PCDH11X: variants seen among roughly 807,000 people sequenced by gnomAD.
The protein encoded by PCDH11X is protocadherin 11 X-linked, also known as protocadherin-11 X-linked.
PCDH11X carries 18 observed loss-of-function variants against 53.3 expected under a neutral mutation model. That is an observed-to-expected ratio of 0.34 (90% CI 0.23 to 0.50). The LOEUF (loss-of-function observed/expected upper bound fraction) is 0.50, where lower values mean the gene tolerates loss of function less well. PCDH11X is among the 20% of genes least tolerant of loss of function. PCDH11X has a pLI of 0.98. For synonymous variants in PCDH11X, 279 were observed against 393.3 expected, an observed-to-expected ratio of 0.71 and a Z score of 3.44; for missense variants, 570 against 1,032.4, an observed-to-expected ratio of 0.55 and a Z score of 6.14.
In PCDH11X at chrX:92,148,019, C is replaced by T. The variant is rs1365536964; in HGVS notation, c.3034-53356C>T. ...TTTCTTTCTTTCTTTTTCTTTCCTT[C>T]CTTCCTTCCTTTCCTTCTTTCCCTT... On this transcript the variant is annotated intron_variant, in intron 6 of 10. Transcript: ENST00000682573. 1.7e-3 allele frequency among the ~76,000 whole-genome samples: 128 copies of T among 74,238 alleles called. 8 individuals carry two copies. The highest frequency in any genetic ancestry group is 8.0e-3 in the African/African-American group (119 of 14,843). 64.5% of individuals were successfully genotyped at this position (74,238 alleles called of 115,157 possible). A position where few individuals can be genotyped will look rare whatever the true frequency, so the allele number is the denominator to read the frequency against.
At chrX:92,440,002 A>T (rs1265813331) in intron 9 of PCDH11X, among the ~76,000 whole-genome samples, 1 of 88,099 alleles carries the variant, frequency 1.1e-5, no homozygotes, top group Non-Finnish European at 2.3e-5. Flanking sequence ...TTAAAAAAAC[A>T]ATTTTATTCT....
chrX:92,604,542 A>G (rs1569509666), intron 10 of PCDH11X, among the ~76,000 whole-genome samples: 1 of 111,560 alleles, frequency 9.0e-6, no homozygotes, highest in African/African-American at 3.3e-5. Flanking sequence ...AGAAAGCTGC[A>G]AGGAGAAACG....
intron 6 of PCDH11X, among the ~76,000 whole-genome samples, chrX:92,184,470 A>G (rs1176735808): frequency 8.9e-6 from 1 of 112,253 alleles, no homozygotes; most frequent in Admixed American, 9.5e-5. Flanking sequence ...TTACAGAAAT[A>G]GAAAAAAGCA....
In PCDH11X at chrX:91,835,940, A is replaced by C. The variant is rs745414265; in HGVS notation, c.436A>C (p.Ile146Leu). Residue 146 changes from isoleucine to leucine, a missense_variant, in exon 5 of 11, where the codon ATA becomes CTA. Around this residue, in one of 6 missense-constraint regions of PCDH11X, gnomAD observed 84 missense variants for 142.0 expected, o/e 0.59. Coordinates refer to ENST00000682573, the MANE Select transcript of PCDH11X (RefSeq NM_032968.5). The stretch of plus-strand genomic sequence containing the variant: ...ATTGTTCCCAGCAACAGTTATCAAC[A>C]TATCAATTCCAGAGAACTCGGCTAT... ...APLFPATVIN[I>L]SIPENSAINS... 8 of 1,206,978 alleles carry C rather than the reference A, an allele frequency of 6.6e-6. No individual in the cohort carries two copies. In the African/African-American group the frequency reaches 1.1e-4, roughly 16 times the overall value.
At chrX:92,056,833 G>A (rs1260250778) in intron 6 of PCDH11X, among the ~76,000 whole-genome samples, 1 of 109,305 alleles carries the variant, frequency 9.1e-6, no homozygotes, top group East Asian at 2.8e-4. Flanking sequence ...CACACATGCA[G>A]GAATTTAATA....
intron 1 of PCDH11X, among the ~76,000 whole-genome samples, chrX:91,794,887 C>T (rs1935680065): frequency 1.8e-5 from 2 of 110,538 alleles, no homozygotes; most frequent in Admixed American, 2.0e-4. Context: ...TTTTTCTGTG[C>T]TGTTCTCATG....
intron 8 of PCDH11X, among the ~76,000 whole-genome samples, chrX:92,310,758 A>G (rs2030142757): frequency 1.8e-5 from 2 of 111,820 alleles, no homozygotes; most frequent in South Asian, 7.5e-4. Flanking sequence ...AATGATGAGG[A>G]TAAGTGTTAT....
At chrX:92,382,121 G>A (rs1386026221) in intron 8 of PCDH11X, among the ~76,000 whole-genome samples, 7 of 111,901 alleles carry the variant, frequency 6.3e-5, no homozygotes, top group Non-Finnish European at 1.3e-4. Context: ...TTCAGAATGA[G>A]GTTGTTTACT....
chrX:91,805,834 A>G (rs1033324965), intron 1 of PCDH11X, among the ~76,000 whole-genome samples: 1 of 109,025 alleles, frequency 9.2e-6, no homozygotes, highest in African/African-American at 3.4e-5. Flanking sequence ...GCAAATTAAA[A>G]TAAGTGATTA....
In PCDH11X at chrX:92,135,030, A is replaced by T. The variant is rs188728781; in HGVS notation, c.3034-66345A>T. 4.7e-3 allele frequency among the ~76,000 whole-genome samples: 520 copies of T among 110,362 alleles called. 2 individuals are homozygous for T. Among genetic ancestry groups the T allele is most frequent in the African/African-American group, 0.016 (484 of 30,365 alleles). On this transcript the variant is annotated intron_variant, in intron 6 of 10. Coordinates refer to ENST00000682573, the MANE Select transcript of PCDH11X (RefSeq NM_032968.5). ...TTCAAGATGGAGTTGCTCAGGTTCA[A>T]ATGCCTCTGACAACAGGAAGGACTA...
At chrX:92,492,586 CATT>C (rs1368184591) in intron 10 of PCDH11X, among the ~76,000 whole-genome samples, 6 of 110,746 alleles carry the variant, frequency 5.4e-5, no homozygotes, top group African/African-American at 2.0e-4. Context: ...GTAAAACTAT[CATT>C]ATGTCATTGA....
chrX:92,147,618 A>T (rs1014010267), intron 6 of PCDH11X, among the ~76,000 whole-genome samples: 152 of 109,607 alleles, frequency 1.4e-3, no homozygotes, highest in Non-Finnish European at 2.1e-3. Context: ...TTCTTTTGAC[A>T]ATAAATCAGT....
At chrX:91,974,062 A>G (rs2062012602) in intron 6 of PCDH11X, among the ~76,000 whole-genome samples, 1 of 111,824 alleles carries the variant, frequency 8.9e-6, no homozygotes, top group South Asian at 3.7e-4. Flanking sequence ...CTTTTTATAA[A>G]TCTGGAAAAA....
At chrX:92,205,570 C>T (rs372999618) in intron 7 of PCDH11X, among the ~76,000 whole-genome samples, 1 of 106,101 alleles carries the variant, frequency 9.4e-6, no homozygotes, top group Non-Finnish European at 1.9e-5. Flanking sequence ...CACTTTTCCT[C>T]GATGAATAAG....
intron 7 of PCDH11X, among the ~76,000 whole-genome samples, chrX:92,225,436 G>C (rs2066952766): frequency 9.0e-6 from 1 of 110,670 alleles, no homozygotes; most frequent in East Asian, 2.8e-4. Context: ...AAATAATAAA[G>C]GCCTTGACTT....
rs112913867 is a variant in PCDH11X, at chrX:92,036,120, C to T, written c.3033+156847C>T. 6.6e-3 allele frequency among the ~76,000 whole-genome samples: 574 copies of T among 86,338 alleles called. 8 individuals are homozygous for T. Among genetic ancestry groups the T allele is most frequent in the African/African-American group, 0.025 (551 of 22,014 alleles). 75.0% of individuals were successfully genotyped at this position (86,338 alleles called of 115,157 possible). ...ATTTTGAATTATCTGTCTCAAAGGG[C>T]ATATATCTCTGTTTCTTCAGGATTG... On this transcript the variant is annotated intron_variant, in intron 6 of 10. Transcript: ENST00000682573.
chrX:92,039,955 A>G (rs1405506357), intron 6 of PCDH11X, among the ~76,000 whole-genome samples: 4 of 105,801 alleles, frequency 3.8e-5, no homozygotes, highest in African/African-American at 1.4e-4. Flanking sequence ...TCAGCAGATT[A>G]CTTTCTGGCC....
chrX:92,385,598 G>C (rs1459733527), intron 8 of PCDH11X, among the ~76,000 whole-genome samples: 1 of 108,417 alleles, frequency 9.2e-6, no homozygotes, highest in Non-Finnish European at 1.9e-5. Context: ...ACTTTTGGAG[G>C]CCTAGATGGG....
chrX:92,121,262 T>A (rs2064758685), intron 6 of PCDH11X, among the ~76,000 whole-genome samples: 1 of 109,449 alleles, frequency 9.1e-6, no homozygotes, highest in Non-Finnish European at 1.9e-5. Context: ...TTCAAGTGAG[T>A]CTCCAGCCTC....
Sources: gnomAD v4.1 joint callset for allele counts (sites outside exome capture counted in the v4.1 genomes callset) on GRCh38, gnomAD v4.1.1 for gene constraint, gnomAD v4.1.1 regional missense constraint, MANE v1.5 for transcripts, NCBI Gene and HGNC (gene_info 2026-07-23, HGNC 2026-07-21) for gene names.